MYT1L: variants seen among roughly 807,000 people sequenced by gnomAD.
MYT1L encodes myelin transcription factor 1-like protein.
In MYT1L, 12 loss-of-function variants were observed where a neutral mutation model predicts 126.7. That is an observed-to-expected ratio of 0.09 (90% CI 0.06 to 0.15). The LOEUF (loss-of-function observed/expected upper bound fraction) is 0.15, where lower values mean the gene tolerates loss of function less well. MYT1L is among the 10% of genes least tolerant of loss of function. MYT1L has a pLI of 1.00. For synonymous variants in MYT1L, 541 were observed against 604.2 expected, an observed-to-expected ratio of 0.90 and a Z score of 1.53; for missense variants, 979 against 1,585.2, an observed-to-expected ratio of 0.62 and a Z score of 6.49.
rs2042812885 is a variant in MYT1L, at chr2:1,848,544, AATC to A, written c.2774+3094_2774+3096del. On this transcript the variant is annotated intron_variant, in intron 19 of 24. Transcript: ENST00000647738. This position sits in a 1 kb window ranked among gnomAD's most constrained non-coding sequence, Gnocchi z 4.8. ...AACTGAGGGAAAAAGAAGGCCAGTG[AATC>A]ATCGTCTAAGTGGCGTTTGCCTATA... Among the ~76,000 whole-genome samples, 1 of 152,196 alleles carries A rather than the reference AATC, an allele frequency of 6.6e-6. No homozygotes were observed. The highest frequency in any genetic ancestry group is 1.5e-5 in the Non-Finnish European group (1 of 68,038).
intron 4 of MYT1L, among the ~76,000 whole-genome samples, chr2:2,004,531 G>A (rs370145082): frequency 3.3e-4 from 47 of 142,514 alleles, no homozygotes; most frequent in African/African-American, 7.1e-4. Context: ...TCCTGCATAC[G>A]TTCTTTCCTG....
At chr2:2,090,267 C>T (rs1206758624) in intron 3 of MYT1L, among the ~76,000 whole-genome samples, 1 of 152,098 alleles carries the variant, frequency 6.6e-6, no homozygotes, top group Non-Finnish European at 1.5e-5. Flanking sequence ...ACAGGCATAC[C>T]TCAGAGATAC....
At chr2:2,272,721 C>A (rs1164878559) in intron 2 of MYT1L, among the ~76,000 whole-genome samples, 1 of 152,192 alleles carries the variant, frequency 6.6e-6, no homozygotes, top group South Asian at 2.1e-4. Context: ...CTAAACTGAT[C>A]TCTGGATGTC....
chr2:2,161,165 A>T lies in MYT1L; in HGVS notation c.-304+11707T>A, dbSNP rs530006835. Reference sequence around the variant, plus strand: ...GAGGCAGAGGTTGCAGTGAGCCGAGATTGCACCACTGCACTCCAGCCTGGG... The same window carrying T: ...GAGGCAGAGGTTGCAGTGAGCCGAGTTTGCACCACTGCACTCCAGCCTGGG... On this transcript the variant is annotated intron_variant, in intron 3 of 24. Transcript: ENST00000647738. 2.0e-5 allele frequency among the ~76,000 whole-genome samples: 3 copies of T among 152,280 alleles called. No homozygotes were observed. The East Asian group carries it at 5.8e-4, about 30-fold the overall frequency.
At chr2:2,002,563 G>A (rs1227738252) in intron 4 of MYT1L, among the ~76,000 whole-genome samples, 5 of 152,196 alleles carry the variant, frequency 3.3e-5, no homozygotes, top group African/African-American at 1.2e-4. Context: ...AAGGCCTTCG[G>A]TGGACCAAGC....
intron 3 of MYT1L, among the ~76,000 whole-genome samples, chr2:2,144,147 C>G (rs1426140419): frequency 6.6e-6 from 1 of 152,078 alleles, no homozygotes; most frequent in Admixed American, 6.5e-5. Context: ...ACAGAAAAAC[C>G]AATGTGCGTT....
chr2:1,981,563 T>C lies in MYT1L; in HGVS notation c.1-1786A>G, dbSNP rs1334805968. 2.0e-5 allele frequency among the ~76,000 whole-genome samples: 3 copies of C among 152,142 alleles called. No homozygotes were observed. In the East Asian group the frequency reaches 5.8e-4, roughly 29 times the overall value. ...CAAGGAGGTGCCTGAAGTGGAATATTGGAAAGACGACATCAGACGGTGCAG... is the reference window on the plus strand; with the variant it reads ...CAAGGAGGTGCCTGAAGTGGAATATCGGAAAGACGACATCAGACGGTGCAG... On this transcript the variant is annotated intron_variant, in intron 5 of 24. Transcript: ENST00000647738.
chr2:2,185,393 G>A (rs187822994), intron 2 of MYT1L, among the ~76,000 whole-genome samples: 209 of 152,356 alleles, frequency 1.4e-3, no homozygotes, highest in African/African-American at 4.6e-3. Flanking sequence ...ATTGTGTGGC[G>A]TGCAAACTAA....
chr2:2,005,056 A>G (rs182883586), intron 4 of MYT1L, among the ~76,000 whole-genome samples: 4,928 of 84,788 alleles, frequency 0.058, 128 homozygotes, highest in Non-Finnish European at 0.077. Context: ...TCCTGAATAC[A>G]TTCTTTCCTG....
At position 2,049,946 on chromosome 2, in the gene MYT1L, CGTGT is replaced by C. The variant is rs552109095; in HGVS notation, c.-158+4028_-158+4031del. On this transcript the variant is annotated intron_variant, in intron 4 of 24. Coordinates refer to ENST00000647738, the MANE Select transcript of MYT1L (RefSeq NM_001303052.2). ...AGTATTGTGAAAATAAACTTATATA[CGTGT>C]GTGTGTGTGTATATATATATATATA... is the stretch of plus-strand genomic sequence containing the variant. Among the ~76,000 whole-genome samples, 13 of 149,748 alleles carry C rather than the reference CGTGT, an allele frequency of 8.7e-5. No individual in the cohort carries two copies. In the East Asian group the frequency reaches 1.9e-3, roughly 22 times the overall value.
At chr2:2,078,063 A>G (rs1413250980) in intron 3 of MYT1L, among the ~76,000 whole-genome samples, 1 of 152,198 alleles carries the variant, frequency 6.6e-6, no homozygotes, top group Non-Finnish European at 1.5e-5. Context: ...GAAGAAATGG[A>G]AGAATATGGT....
At chr2:1,996,822 C>T (rs1389799113) in intron 5 of MYT1L, among the ~76,000 whole-genome samples, 133 of 111,904 alleles carry the variant, frequency 1.2e-3, no homozygotes, top group Middle Eastern at 0.02. Flanking sequence ...GTGTGGGCTG[C>T]ACAGAACCGA....
intron 2 of MYT1L, among the ~76,000 whole-genome samples, chr2:2,234,813 G>C (rs750208744): frequency 3.8e-4 from 58 of 152,252 alleles, no homozygotes; most frequent in Non-Finnish European, 7.1e-4. Context: ...AAATAACATA[G>C]GCTATTATTT....
intron 2 of MYT1L, among the ~76,000 whole-genome samples, chr2:2,189,655 A>T (rs929277378): frequency 6.6e-6 from 1 of 152,232 alleles, no homozygotes; most frequent in African/African-American, 2.4e-5. Context: ...TGGTAGCTAT[A>T]ACTTTCATGA....
Position 1,915,668 on chromosome 2 carries a change from A to G in MYT1L, c.1618+1537T>C, listed in dbSNP as rs537900972. 3.3e-5 allele frequency among the ~76,000 whole-genome samples: 5 copies of G among 152,348 alleles called. No homozygotes were observed. The East Asian group carries it at 9.6e-4, about 29-fold the overall frequency. On this transcript the variant is annotated intron_variant, in intron 11 of 24. Transcript: ENST00000647738. ...GTGCTGGGTGTCACATCGTGTGTTC[A>G]GACAGAAACTGGAACACCAAACCCA...
chr2:1,801,422 C>A lies in MYT1L; in HGVS notation c.3276+274G>T. 3.0e-6 allele frequency: 1 copy of A among 332,266 alleles called. No individual in the cohort carries two copies. Among genetic ancestry groups the A allele is most frequent in the East Asian group, 5.3e-5 (1 of 19,028 alleles). The allele number at this position is 332,266 out of a possible 1,614,324, so 20.6% of individuals were successfully genotyped here. Reference sequence around the variant, plus strand: ...AACCTTCATTGTTTGCAGGAACAGGCGATCCTCTGAAAATGCCTATTCACA... The same window carrying A: ...AACCTTCATTGTTTGCAGGAACAGGAGATCCTCTGAAAATGCCTATTCACA... On this transcript the variant is annotated intron_variant, in intron 23 of 24. Coordinates refer to ENST00000647738, the MANE Select transcript of MYT1L (RefSeq NM_001303052.2). This position sits in a 1 kb window ranked among gnomAD's most constrained non-coding sequence, Gnocchi z 4.2.
chr2:2,159,633 C>T (rs984923508), intron 3 of MYT1L, among the ~76,000 whole-genome samples: 7 of 152,020 alleles, frequency 4.6e-5, no homozygotes, highest in East Asian at 1.9e-4. Context: ...GCTGCCTTAG[C>T]GAGGGGGCGT....
In MYT1L at chr2:1,943,273, C is replaced by T. The variant is rs1416574555; in HGVS notation, c.214G>A (p.Ala72Thr). The change falls in exon 9 of 25, where the codon GCT becomes ACT. Residue 72 changes from alanine to threonine, a missense_variant. Around this residue, in one of 12 missense-constraint regions of MYT1L, gnomAD observed 111 missense variants for 115.9 expected, o/e 0.96. Coordinates refer to ENST00000647738, the MANE Select transcript of MYT1L (RefSeq NM_001303052.2). The surrounding 1 kb of genome is among the most constrained non-coding windows in gnomAD (Gnocchi z 4.4). ...KTQDKQPQEP[A>T]PKRKPFAVKA... The stretch of plus-strand genomic sequence containing the variant: ...ACGGCAAATGGCTTTCGTTTAGGAG[C>T]AGGTTCCTGGGGCTGTTTATCTTGT... 1 of 1,564,200 alleles carries T rather than the reference C, an allele frequency of 6.4e-7. No individual in the cohort carries two copies.
At chr2:2,317,861 T>C (rs189549014) in intron 1 of MYT1L, among the ~76,000 whole-genome samples, 4 of 152,078 alleles carry the variant, frequency 2.6e-5, no homozygotes, top group Admixed American at 1.3e-4. Flanking sequence ...TGCCCTTAGT[T>C]AAAAATCTAA....
Sources: gnomAD v4.1 joint callset for allele counts (sites outside exome capture counted in the v4.1 genomes callset) on GRCh38, gnomAD v4.1.1 for gene constraint, gnomAD v4.1.1 regional missense constraint, Gnocchi (gnomAD v3.1) non-coding constraint, MANE v1.5 for transcripts, NCBI Gene and HGNC (gene_info 2026-07-23, HGNC 2026-07-21) for gene names.